RTTN: variants seen among roughly 807,000 people sequenced by gnomAD.
RTTN encodes the protein rotatin.
Under a neutral mutation model 269.2 loss-of-function variants are expected in RTTN, and 182 were observed. The observed-to-expected ratio is 0.68, with a 90% CI of 0.60 to 0.76. The LOEUF is 0.76. RTTN is among the 30% of genes least tolerant of loss of function. RTTN has a pLI of 0.00. For synonymous variants in RTTN, 1,006 were observed against 963.5 expected (o/e 1.04, Z -0.82); for missense variants, 2,545 against 2,608.6 (o/e 0.98, Z 0.53).
chr18:70,072,037 A>G (rs959975985), intron 34 of RTTN, among the ~76,000 whole-genome samples: 11 of 152,304 alleles, frequency 7.2e-5, no homozygotes, highest in African/African-American at 2.6e-4. Context: ...TGGTCGAAGT[A>G]CTGACAGCTT....
rs76242978 is a variant in RTTN at position 70,197,998 on chromosome 18, G to A, written c.579-260C>T. On this transcript the variant is annotated intron_variant, in intron 5 of 48. Coordinates refer to ENST00000640769, the MANE Select transcript of RTTN (RefSeq NM_173630.4). The stretch of plus-strand genomic sequence containing the variant: ...ACTAGACCCTCTCAAGAGCAGGAAC[G>A]ACATCATACTAAACACTGTACCCTC... Among the ~76,000 whole-genome samples, 5 of 152,248 alleles carry A rather than the reference G, an allele frequency of 3.3e-5. No individual in the cohort carries two copies. The East Asian group carries it at 5.8e-4, about 18-fold the overall frequency.
At chr18:70,050,451 G>A (rs285226) in intron 39 of RTTN, among the ~76,000 whole-genome samples, 146,757 of 152,334 alleles carry the variant, frequency 0.96, 70,817 homozygotes, top group East Asian at 1. Flanking sequence ...TGGAGAAAAT[G>A]GGAACACTTT....
intron 18 of RTTN, among the ~76,000 whole-genome samples, chr18:70,143,857 CT>C (rs1331783234): frequency 1.2e-3 from 178 of 143,992 alleles, no homozygotes; most frequent in Admixed American, 1.3e-3. Context: ...ATAAGTTTTC[CT>C]TTTTTTTTTT....
intron 35 of RTTN, among the ~76,000 whole-genome samples, chr18:70,060,715 CTG>C (rs2057958002): frequency 1.3e-5 from 2 of 152,268 alleles, no homozygotes; most frequent in South Asian, 2.1e-4. Context: ...TTCCTCCTAA[CTG>C]TATTTTGTAC....
At chr18:70,132,094 GA>G (rs2060012770) in intron 23 of RTTN, among the ~76,000 whole-genome samples, 2 of 152,042 alleles carry the variant, frequency 1.3e-5, no homozygotes, top group Non-Finnish European at 2.9e-5. Context: ...CACTGCTAGA[GA>G]TAAAGAAATA....
At chr18:70,158,706 A>C (rs552522828) in intron 14 of RTTN, among the ~76,000 whole-genome samples, 3 of 152,208 alleles carry the variant, frequency 2.0e-5, no homozygotes, top group African/African-American at 7.2e-5. Flanking sequence ...CCCAACTCAC[A>C]TGCAGTGACA....
In RTTN at chr18:70,135,179, C is replaced by G; in HGVS notation, c.2885+5G>C. 1 of 1,469,678 alleles carries G rather than the reference C, an allele frequency of 6.8e-7. No individual in the cohort carries two copies. 91.0% of individuals were successfully genotyped at this position (1,469,678 alleles called of 1,614,324 possible). A position where few individuals can be genotyped will look rare whatever the true frequency, so the allele number is the denominator to read the frequency against. On this transcript the variant is annotated splice_donor_5th_base_variant and intron_variant, in intron 22 of 48. Transcript: ENST00000640769. ...GTAAAAAACTTATAAATTCTTATAT[C>G]TCACCACATATCCATTCTCGATACT...
At position 70,025,096 on chromosome 18, in the gene RTTN, T is replaced by C. The variant is rs115339120; in HGVS notation, c.5824-248A>G. 5.8e-3 allele frequency among the ~76,000 whole-genome samples: 882 copies of C among 152,218 alleles called. 4 individuals carry two copies. The highest frequency in any genetic ancestry group is 0.02 in the African/African-American group (828 of 41,540). On this transcript the variant is annotated intron_variant, in intron 43 of 48. Coordinates refer to ENST00000640769, the MANE Select transcript of RTTN (RefSeq NM_173630.4). ...CCACTAAGTTAGGAAGCATAGAAAA[T>C]AGCCTGTGTAACATGTAAATTAAAC...
chr18:70,050,983 T>A (rs1485855287), intron 39 of RTTN, among the ~76,000 whole-genome samples: 1 of 152,096 alleles, frequency 6.6e-6, no homozygotes, highest in East Asian at 1.9e-4. Flanking sequence ...GCTTAAAACC[T>A]AGATGATCGG....
chr18:70,029,346 C>A (rs2056947386), intron 42 of RTTN, among the ~76,000 whole-genome samples: 1 of 152,130 alleles, frequency 6.6e-6, no homozygotes, highest in African/African-American at 2.4e-5. Flanking sequence ...TATTCACACA[C>A]TTTCATTTGT....
chr18:70,151,207 C>T (rs1011051663), intron 14 of RTTN, among the ~76,000 whole-genome samples: 4 of 146,766 alleles, frequency 2.7e-5, no homozygotes, highest in African/African-American at 9.9e-5. Context: ...TATAATATAC[C>T]TATTATATAT....
chr18:70,165,826 C>T (rs993074763), intron 14 of RTTN, among the ~76,000 whole-genome samples: 33 of 152,222 alleles, frequency 2.2e-4, no homozygotes, highest in African/African-American at 7.9e-4. Context: ...ATTAATACAA[C>T]ATAAATGTAA....
chr18:70,096,495 C>T (rs1269406771), intron 28 of RTTN, among the ~76,000 whole-genome samples: 1 of 152,122 alleles, frequency 6.6e-6, no homozygotes, highest in East Asian at 1.9e-4. Flanking sequence ...AGTGGAAGTC[C>T]TTTTTGTTGG....
intron 30 of RTTN, among the ~76,000 whole-genome samples, chr18:70,091,312 T>TC (rs2058839183): frequency 6.6e-6 from 1 of 152,096 alleles, no homozygotes; most frequent in African/African-American, 2.4e-5. Flanking sequence ...GTTGAAGTCT[T>TC]TATGCTCAAG....
At chr18:70,010,136 T>C (rs183009576) in intron 46 of RTTN, among the ~76,000 whole-genome samples, 38 of 152,244 alleles carry the variant, frequency 2.5e-4, no homozygotes, top group African/African-American at 8.7e-4. Context: ...ACAATAATCA[T>C]GGGAGACTTC....
intron 21 of RTTN, chr18:70,138,277 C>A (rs1159975651): frequency 6.6e-6 from 1 of 152,144 alleles, no homozygotes; most frequent in African/African-American, 2.4e-5. Flanking sequence ...GAAATTCTTT[C>A]TCAATAAATA....
chr18:70,022,566 T>C (rs953522158), intron 44 of RTTN, among the ~76,000 whole-genome samples: 1 of 152,222 alleles, frequency 6.6e-6, no homozygotes, highest in South Asian at 2.1e-4. Context: ...TTAAGAGTAG[T>C]ACATTTTGGA....
chr18:70,044,869 C>A (rs930294), intron 40 of RTTN, among the ~76,000 whole-genome samples: 3 of 152,014 alleles, frequency 2.0e-5, no homozygotes, highest in African/African-American at 7.3e-5. Flanking sequence ...CAATTTAAGA[C>A]GTTAAGTATT....
chr18:70,193,176 C>CAAAAAA, intron 8 of RTTN, 112 bp downstream of exon 8: 6 of 655,578 alleles, frequency 9.2e-6, no homozygotes, highest in East Asian at 3.9e-5. Context: ...GTTAATGTTT[C>CAAAAAA]AAAAAAAAAA....
Sources: gnomAD v4.1 joint callset for allele counts (sites outside exome capture counted in the v4.1 genomes callset) on GRCh38, gnomAD v4.1.1 for gene constraint, MANE v1.5 for transcripts, NCBI Gene and HGNC (gene_info 2026-07-23, HGNC 2026-07-21) for gene names.